CEP135: variants seen among roughly 807,000 people sequenced by gnomAD.
CEP135 encodes the protein centrosomal protein of 135 kDa.
In CEP135, 142 loss-of-function variants were observed where a neutral mutation model predicts 157.3. That is an observed-to-expected ratio of 0.90 (90% CI 0.79 to 1.04). The LOEUF (loss-of-function observed/expected upper bound fraction) is 1.04. Ranked by LOEUF, CEP135 falls within the 50% of genes least tolerant of loss-of-function variation. The probability of loss-of-function intolerance (pLI) is 0.00; values close to 1 mark genes in which losing one functional copy is unlikely to be tolerated. For synonymous variants in CEP135, 396 were observed against 439.8 expected, an observed-to-expected ratio of 0.90 and a Z score of 1.25; for missense variants, 1,317 against 1,309.2, an observed-to-expected ratio of 1.01 and a Z score of -0.09.
chr4:55,999,334 A>T lies in CEP135; in HGVS notation c.2042A>T (p.Asp681Val). 1 of 1,614,164 alleles carries T rather than the reference A, an allele frequency of 6.2e-7. No homozygotes were observed. The change falls in exon 16 of 26, where the codon GAT becomes GTT. Residue 681 changes from aspartate to valine, a missense_variant. Asp to Val is a radical substitution (Grantham distance 152). Coordinates refer to ENST00000257287, the MANE Select transcript of CEP135 (RefSeq NM_025009.5). ...IVNEQLQRSV[D>V]DYQHRLSIKR... ...AATGAGCAGCTACAGCGGTCAGTTGATGACTATCAGCACCGACTTTCCATA... is the reference window on the plus strand; with the variant it reads ...AATGAGCAGCTACAGCGGTCAGTTGTTGACTATCAGCACCGACTTTCCATA...
intron 8 of CEP135, among the ~76,000 whole-genome samples, chr4:55,966,747 G>A (rs185445147): frequency 1.4e-4 from 21 of 152,214 alleles, no homozygotes; most frequent in Admixed American, 4.6e-4. Flanking sequence ...GCTTCCCTAA[G>A]TGCTCAGATT....
intron 21 of CEP135, among the ~76,000 whole-genome samples, chr4:56,014,168 C>A (rs910647731): frequency 6.6e-6 from 1 of 152,120 alleles, no homozygotes; most frequent in Non-Finnish European, 1.5e-5. Flanking sequence ...TTTTTTAGGC[C>A]ACACAATTTG....
chr4:56,029,040 A>G (rs1195842012), intron 25 of CEP135, among the ~76,000 whole-genome samples: 1 of 152,162 alleles, frequency 6.6e-6, no homozygotes, highest in Non-Finnish European at 1.5e-5. Context: ...AGCTCACAGA[A>G]CTCAGGGAAA....
In CEP135 at chr4:56,011,911, G is replaced by A; in HGVS notation, c.2728G>A (p.Glu910Lys). 1 of 1,604,048 alleles carries A rather than the reference G, an allele frequency of 6.2e-7. No individual in the cohort carries two copies. Among genetic ancestry groups the A allele is most frequent in the African/African-American group, 1.3e-5 (1 of 74,456 alleles). ...GGGAGAAAGCAGCTCAGTTCGACTG[G>A]AACTTCTTTCTATTGACACTGAGAG... ...AEGESSSVRL[E>K]LLSIDTERRH... Residue 910 changes from glutamate to lysine, a missense_variant, in exon 21 of 26, where the codon GAA (glutamate) becomes AAA (lysine). Physicochemically the swap from Glu to Lys is moderately conservative, Grantham distance 56. Transcript: ENST00000257287.
At chr4:56,015,391 G>T (rs1730737959) in intron 21 of CEP135, among the ~76,000 whole-genome samples, 1 of 152,178 alleles carries the variant, frequency 6.6e-6, no homozygotes, top group Non-Finnish European at 1.5e-5. Flanking sequence ...AGGCTGGTGG[G>T]GCTGTGGCTA....
rs1476064386 is a variant in CEP135, at chr4:55,961,820, G to C, written c.699+2054G>C. 3.0e-5 allele frequency among the ~76,000 whole-genome samples: 4 copies of C among 134,708 alleles called. No homozygotes were observed. In the Admixed American group the frequency reaches 3.3e-4, roughly 11 times the overall value. 88.4% of individuals were successfully genotyped at this position (134,708 alleles called of 152,430 possible). ...ATCCATCTTCTGAGAATGTCACCTT[G>C]TCTCAACTTTCTATCTCTACCTTTA... On this transcript the variant is annotated intron_variant, in intron 6 of 25. Transcript: ENST00000257287.
At chr4:56,009,148 T>C (rs191073322) in intron 18 of CEP135, among the ~76,000 whole-genome samples, 245 of 152,150 alleles carry the variant, frequency 1.6e-3, no homozygotes, top group Admixed American at 3.3e-3. Context: ...GCTATTCAAC[T>C]GTTTTTGTTG....
chr4:56,027,832 G>A (rs1398492853), intron 25 of CEP135, among the ~76,000 whole-genome samples: 1 of 151,886 alleles, frequency 6.6e-6, no homozygotes, highest in Non-Finnish European at 1.5e-5. Context: ...TGGGACTACA[G>A]GCACGCCACC....
Position 55,969,690 on chromosome 4 carries a change from T to G in CEP135, c.1110+562T>G, listed in dbSNP as rs1305610201. On this transcript the variant is annotated intron_variant, in intron 9 of 25. Transcript: ENST00000257287. ...ACTGCATGGACATGCAAGTTTATAT[T>G]TTTATAATTCCTTAATTTTATGTAT... Among the ~76,000 whole-genome samples, 5 of 152,272 alleles carry G rather than the reference T, an allele frequency of 3.3e-5. No homozygotes were observed. In the East Asian group the frequency reaches 9.6e-4, roughly 29 times the overall value.
At chr4:56,012,817 C>G (rs919702413) in intron 21 of CEP135, among the ~76,000 whole-genome samples, 1 of 152,136 alleles carries the variant, frequency 6.6e-6, no homozygotes, top group African/African-American at 2.4e-5. Flanking sequence ...TTTGTTTCTA[C>G]CTTTTGGCTG....
At chr4:56,016,620 A>T (rs1730783646) in intron 21 of CEP135, among the ~76,000 whole-genome samples, 1 of 152,158 alleles carries the variant, frequency 6.6e-6, no homozygotes, top group Admixed American at 6.5e-5. Context: ...CTTTTCTGCA[A>T]TTTTTGAAAT....
chr4:55,993,807 TG>T (rs1729875164), intron 15 of CEP135, among the ~76,000 whole-genome samples: 1 of 152,212 alleles, frequency 6.6e-6, no homozygotes. Flanking sequence ...ATAGCTCCTT[TG>T]GAGTTTTATT....
chr4:55,982,620 G>T (rs1385529777), intron 13 of CEP135, among the ~76,000 whole-genome samples: 1 of 152,056 alleles, frequency 6.6e-6, no homozygotes, highest in African/African-American at 2.4e-5. Flanking sequence ...AAATTGGGTT[G>T]TCTCATTATT....
chr4:55,974,878 T>C lies in CEP135; in HGVS notation c.1382T>C (p.Leu461Pro). 6.2e-7 allele frequency: 1 copy of C among 1,613,842 alleles called. No individual in the cohort carries two copies. Among genetic ancestry groups the C allele is most frequent in the Admixed American group, 1.7e-5 (1 of 60,016 alleles). The change falls in exon 11 of 26, where the codon CTA (leucine) becomes CCA (proline). Residue 461 changes from leucine to proline, a missense_variant. By Grantham distance (98) the Leu-to-Pro change is moderately conservative. Coordinates refer to ENST00000257287, the MANE Select transcript of CEP135 (RefSeq NM_025009.5). ...EEERDYYKKE[L>P]ERLQHIIQRR... ...GAACGAGATTATTATAAGAAAGAGC[T>C]AGAGAGACTCCAACATATAATACAG...
chr4:55,960,840 G>A (rs931729373), intron 6 of CEP135: 1 of 150,020 alleles, frequency 6.7e-6, no homozygotes, highest in African/African-American at 2.4e-5. Context: ...GCAGGAGAAT[G>A]GCGTGAACCC....
rs775034345 is a variant in CEP135 at position 56,019,330 on chromosome 4, A to T, written c.3013-23A>T. ...GTAAGTTTAAAATTGTACTGAAGTA[A>T]TCTTACTTTGTTTTTCACGTAGGTT... On this transcript the variant is annotated intron_variant, in intron 22 of 25. Coordinates refer to ENST00000257287, the MANE Select transcript of CEP135 (RefSeq NM_025009.5). The T allele has an allele frequency of 4.4e-6, 7 of 1,583,028 alleles. No homozygotes were observed. The African/African-American group carries it at 6.8e-5, about 15-fold the overall frequency.
At chr4:55,976,246 AAAAG>A (rs1223201888) in intron 11 of CEP135, among the ~76,000 whole-genome samples, 101 of 150,972 alleles carry the variant, frequency 6.7e-4, no homozygotes, top group East Asian at 4.1e-3. Context: ...AAAAAAAAAA[AAAAG>A]AAAGAAAGAA....
rs372928333 is a variant in CEP135 at position 55,997,190 on chromosome 4, A to G, written c.2010-2112A>G. 2.6e-4 allele frequency among the ~76,000 whole-genome samples: 39 copies of G among 152,296 alleles called. 1 individual carries two copies. The highest frequency in any genetic ancestry group is 9.1e-4 in the African/African-American group (38 of 41,564). Reference sequence around the variant, plus strand: ...TTCTTTCCTATGACTTTTACACCTCAACTGTTTCGTTGAGAGGACCTTTAT... The same window carrying G: ...TTCTTTCCTATGACTTTTACACCTCGACTGTTTCGTTGAGAGGACCTTTAT... On this transcript the variant is annotated intron_variant, in intron 15 of 25. Coordinates refer to ENST00000257287, the MANE Select transcript of CEP135 (RefSeq NM_025009.5).
chr4:56,022,050 AAAGT>A (rs1053135436), intron 24 of CEP135, among the ~76,000 whole-genome samples: 3 of 152,116 alleles, frequency 2.0e-5, no homozygotes, highest in Non-Finnish European at 4.4e-5. Context: ...AACCAACAAA[AAAGT>A]AAGCCGTAGG....
Sources: allele counts gnomAD v4.1 joint callset (sites outside exome capture counted in the v4.1 genomes callset), GRCh38; gene constraint gnomAD v4.1.1; transcripts MANE v1.5; gene names NCBI Gene and HGNC (gene_info 2026-07-23, HGNC 2026-07-21).